AHRR: variants seen among roughly 807,000 people sequenced by gnomAD.
The protein encoded by AHRR is ahR repressor.
Under a neutral mutation model 44.0 loss-of-function variants are expected in AHRR, and 28 were observed. The observed-to-expected ratio is 0.64, with a 90% CI of 0.47 to 0.87. The LOEUF (loss-of-function observed/expected upper bound fraction) is 0.87, where lower values mean the gene tolerates loss of function less well. Ranked by LOEUF, AHRR falls within the 40% of genes least tolerant of loss-of-function variation. The pLI is 0.00. For missense variants in AHRR, 990 were observed against 953.9 expected, an observed-to-expected ratio of 1.04 and a Z score of -0.50; for synonymous variants, 434 against 407.0, an observed-to-expected ratio of 1.07 and a Z score of -0.80.
chr5:420,725 G>A (rs1736042310), intron 5 of AHRR, among the ~76,000 whole-genome samples: 2 of 150,530 alleles, frequency 1.3e-5, no homozygotes, highest in Non-Finnish European at 3.0e-5. Context: ...AGGCGGCCCA[G>A]AAGGGACTGG....
chr5:349,878 G>T (rs1348624282), intron 2 of AHRR, among the ~76,000 whole-genome samples: 1 of 152,186 alleles, frequency 6.6e-6, no homozygotes, highest in Non-Finnish European at 1.5e-5. Flanking sequence ...TCCTTTCCCT[G>T]TTTAATTGCC....
intron 5 of AHRR, 95 bp from the exon 6 acceptor site, chr5:422,634 A>G (rs1330907769): frequency 1.3e-6 from 2 of 1,545,996 alleles, no homozygotes; most frequent in African/African-American, 2.7e-5. Flanking sequence ...TTGCTTTGAC[A>G]AGTGGAGTGG....
At chr5:409,215 A>G (rs1169472043) in intron 4 of AHRR, among the ~76,000 whole-genome samples, 2 of 152,144 alleles carry the variant, frequency 1.3e-5, no homozygotes, top group South Asian at 2.1e-4. Context: ...TTATTCTGCA[A>G]TTTGTTTATC....
In AHRR at chr5:383,563, CTT is replaced by C. The variant is rs1308809408; in HGVS notation, c.351+6859_351+6860del. 4.9e-5 allele frequency among the ~76,000 whole-genome samples: 7 copies of C among 141,784 alleles called. No homozygotes were observed. The highest frequency in any genetic ancestry group is 5.1e-5 in the African/African-American group (2 of 38,920). The allele number at this position is 141,784 out of a possible 152,430, so 93.0% of individuals were successfully genotyped here. A position where few individuals can be genotyped will look rare whatever the true frequency, so the allele number is the denominator to read the frequency against. ...TAATATAGCATTCCAGCTTTCTTTT[CTT>C]TTTTTTTTTTTAATACAGACAGGGT... On this transcript the variant is annotated intron_variant, in intron 4 of 10. Transcript: ENST00000684583. The surrounding 1 kb of genome is among the most constrained non-coding windows in gnomAD (Gnocchi z 4.0).
Position 436,853 on chromosome 5 carries a change from A to G in AHRR, c.*2019A>G, listed in dbSNP as rs905120900. On this transcript the variant is annotated 3_prime_UTR_variant, in exon 11 of 11. Coordinates refer to ENST00000684583, the MANE Select transcript of AHRR (RefSeq NM_001377236.1). ...GGCACCTGTGAAGACCAGGCACCTG[A>G]GGACTGGCGCCTACTTCCCACTTTG... 1.3e-5 allele frequency: 2 copies of G among 152,436 alleles called. No individual in the cohort carries two copies. The highest frequency in any genetic ancestry group is 2.9e-5 in the Non-Finnish European group (2 of 68,102). 9.4% of individuals were successfully genotyped at this position (152,436 alleles called of 1,614,324 possible).
Position 388,771 on chromosome 5 carries a change from C to T in AHRR, c.351+12055C>T, listed in dbSNP as rs1267581945. 6.6e-6 allele frequency among the ~76,000 whole-genome samples: 1 copy of T among 152,142 alleles called. No homozygotes were observed. Among genetic ancestry groups the T allele is most frequent in the Non-Finnish European group, 1.5e-5 (1 of 68,028 alleles). On this transcript the variant is annotated intron_variant, in intron 4 of 10. Coordinates refer to ENST00000684583, the MANE Select transcript of AHRR (RefSeq NM_001377236.1). This position sits in a 1 kb window ranked among gnomAD's most constrained non-coding sequence, Gnocchi z 5.2. ...CATCTCGGGGGACTTCAGTTTCAAA[C>T]CTCAAAGCCACTGGGCAGAGGTTCC...
chr5:366,011 A>G (rs1743348904), intron 3 of AHRR, among the ~76,000 whole-genome samples: 2 of 152,146 alleles, frequency 1.3e-5, no homozygotes, highest in African/African-American at 4.8e-5. Flanking sequence ...TTTTCAATAT[A>G]TAAAGAGAGA....
At chr5:322,091 C>T (rs569236641) in intron 1 of AHRR, among the ~76,000 whole-genome samples, 1 of 152,072 alleles carries the variant, frequency 6.6e-6, no homozygotes, top group South Asian at 2.1e-4. Flanking sequence ...TGTTCTGAGC[C>T]TTCACTCCCC....
chr5:437,060 G>C lies in AHRR; in HGVS notation c.*2226G>C, dbSNP rs1490349804. On this transcript the variant is annotated 3_prime_UTR_variant, in exon 11 of 11. Coordinates refer to ENST00000684583, the MANE Select transcript of AHRR (RefSeq NM_001377236.1). ...TCATGGAAAGACCCTTAATAATTAGGCCTGCAGGCCAGGCGCAGTGGCTCA... is the reference window on the plus strand; with the variant it reads ...TCATGGAAAGACCCTTAATAATTAGCCCTGCAGGCCAGGCGCAGTGGCTCA... The C allele has an allele frequency of 1.3e-5, 2 of 152,370 alleles. No homozygotes were observed. The highest frequency in any genetic ancestry group is 2.4e-5 in the African/African-American group (1 of 41,432). The allele number at this position is 152,370 out of a possible 1,614,324, so 9.4% of individuals were successfully genotyped here. A position where few individuals can be genotyped will look rare whatever the true frequency, so the allele number is the denominator to read the frequency against.
intron 3 of AHRR, chr5:367,770 C>A: frequency 1.4e-6 from 1 of 690,392 alleles, no homozygotes; most frequent in South Asian, 1.5e-5. Context: ...TCGTGTGTTG[C>A]TGGGTTCTGT....
chr5:380,153 C>G (rs1733923887), intron 4 of AHRR, among the ~76,000 whole-genome samples: 1 of 152,136 alleles, frequency 6.6e-6, no homozygotes, highest in Admixed American at 6.5e-5. Context: ...TTTTGTGGAT[C>G]TGTTTCTGGA....
Position 434,514 on chromosome 5 carries a change from C to A in AHRR, c.1774C>A (p.Arg592=), listed in dbSNP as rs370481942. 1 of 1,612,130 alleles carries A rather than the reference C, an allele frequency of 6.2e-7. No individual in the cohort carries two copies. Among genetic ancestry groups the A allele is most frequent in the Admixed American group, 1.7e-5 (1 of 59,926 alleles). The change falls in exon 11 of 11, where the codon CGG becomes AGG. Residue 592 remains arginine, a synonymous_variant. Transcript: ENST00000684583. ...VYISHLGHGV[R]GAQPHGRATA... Reference sequence around the variant, plus strand: ...CATCTCGCACCTGGGGCACGGCGTGCGGGGGGCTCAGCCCCATGGGAGGGC... The same window carrying A: ...CATCTCGCACCTGGGGCACGGCGTGAGGGGGGCTCAGCCCCATGGGAGGGC...
chr5:362,520 TG>T (rs1743218884), intron 3 of AHRR, among the ~76,000 whole-genome samples: 1 of 152,206 alleles, frequency 6.6e-6, no homozygotes, highest in Non-Finnish European at 1.5e-5. Flanking sequence ...TTCTGGAAGA[TG>T]GCTTCCCCTT....
chr5:379,193 C>A (rs369228396), intron 4 of AHRR, among the ~76,000 whole-genome samples: 6 of 152,174 alleles, frequency 3.9e-5, no homozygotes, highest in African/African-American at 1.4e-4. Flanking sequence ...GATTTGCTCA[C>A]GGTGCTGCGG....
At chr5:331,239 AT>A (rs1420645216) in intron 1 of AHRR, among the ~76,000 whole-genome samples, 1 of 151,956 alleles carries the variant, frequency 6.6e-6, no homozygotes. Flanking sequence ...TTCATTACTT[AT>A]CTGTTCAGGT....
At chr5:418,182 G>A (rs549672570) in intron 5 of AHRR, among the ~76,000 whole-genome samples, 1 of 152,188 alleles carries the variant, frequency 6.6e-6, no homozygotes, top group Admixed American at 6.5e-5. Context: ...CTCCCTAAGT[G>A]GTAGTGTAAA....
At chr5:374,968 T>C (rs987729796) in intron 3 of AHRR, among the ~76,000 whole-genome samples, 2 of 152,212 alleles carry the variant, frequency 1.3e-5, no homozygotes, top group African/African-American at 4.8e-5. Flanking sequence ...CCTGTGGGTC[T>C]GGGGGCTGCC....
chr5:431,853 G>T (rs974616254), intron 8 of AHRR, among the ~76,000 whole-genome samples: 1 of 152,256 alleles, frequency 6.6e-6, no homozygotes, highest in Non-Finnish European at 1.5e-5. Context: ...TCCTGGAGGT[G>T]CCCAGAGGAC....
At chr5:427,502 C>A (rs896549194) in intron 7 of AHRR, 79 of 1,093,542 alleles carry the variant, frequency 7.2e-5, no homozygotes, top group Non-Finnish European at 1.0e-4. Context: ...TTCGTGCCAC[C>A]TGCGCATGGG....
Sources: gnomAD v4.1 joint callset for allele counts (sites outside exome capture counted in the v4.1 genomes callset) on GRCh38, gnomAD v4.1.1 for gene constraint, Gnocchi (gnomAD v3.1) non-coding constraint, MANE v1.5 for transcripts, NCBI Gene and HGNC (gene_info 2026-07-23, HGNC 2026-07-21) for gene names.